EVI5: variants seen among roughly 807,000 people sequenced by gnomAD.
The protein encoded by EVI5 is ecotropic viral integration site 5.
A neutral mutation model predicts 112.0 loss-of-function variants in EVI5; 73 were observed. The ratio of observed to expected loss-of-function variants is 0.65; its 90% confidence interval spans 0.54 to 0.79. The LOEUF (loss-of-function observed/expected upper bound fraction) is 0.79, where lower values mean the gene tolerates loss of function less well. Ranked by LOEUF, EVI5 falls within the 30% of genes least tolerant of loss-of-function variation. The pLI, the probability that EVI5 is intolerant of heterozygous loss-of-function variation, is 0.00. For synonymous variants in EVI5, 305 were observed against 319.9 expected (o/e 0.95, Z 0.50); for missense variants, 900 against 968.8 (o/e 0.93, Z 0.94).
At chr1:92,548,466 A>G (rs1248957866) in intron 19 of EVI5, among the ~76,000 whole-genome samples, 2 of 152,198 alleles carry the variant, frequency 1.3e-5, no homozygotes, top group East Asian at 1.9e-4. Context: ...CACCACTCCT[A>G]TTCAACATAG....
chr1:92,565,149 T>G (rs997264584), intron 18 of EVI5, among the ~76,000 whole-genome samples: 2 of 152,220 alleles, frequency 1.3e-5, no homozygotes, highest in African/African-American at 4.8e-5. Context: ...GGGCTTACTT[T>G]TAACAGTTGC....
intron 18 of EVI5, among the ~76,000 whole-genome samples, chr1:92,601,361 T>C (rs1450962787): frequency 1.3e-5 from 2 of 152,218 alleles, no homozygotes; most frequent in African/African-American, 4.8e-5. Flanking sequence ...CTACTGGGTA[T>C]ATATCCAAAG....
intron 10 of EVI5, among the ~76,000 whole-genome samples, chr1:92,673,527 T>C (rs1365923807): frequency 1.3e-5 from 2 of 152,166 alleles, no homozygotes. Context: ...AGATGGGGTC[T>C]TGCTATGTTG....
chr1:92,770,309 T>C (rs1027059011), intron 1 of EVI5, among the ~76,000 whole-genome samples: 1 of 152,232 alleles, frequency 6.6e-6, no homozygotes, highest in African/African-American at 2.4e-5. Context: ...TTCCATCATA[T>C]AAATATAAAT....
chr1:92,517,840 T>C (rs2101674823), intron 19 of EVI5, among the ~76,000 whole-genome samples: 1 of 152,042 alleles, frequency 6.6e-6, no homozygotes, highest in East Asian at 1.9e-4. Context: ...ATCAGGAATC[T>C]GATAAAAACT....
chr1:92,557,583 G>A (rs1228750859), intron 19 of EVI5, among the ~76,000 whole-genome samples: 2 of 152,064 alleles, frequency 1.3e-5, no homozygotes, highest in Non-Finnish European at 2.9e-5. Context: ...ACAGGCATGA[G>A]CCACCATGAA....
intron 16 of EVI5, among the ~76,000 whole-genome samples, chr1:92,608,084 G>C (rs1650862371): frequency 1.3e-5 from 2 of 151,628 alleles, no homozygotes; most frequent in Non-Finnish European, 2.9e-5. Flanking sequence ...CCAGGAGGTG[G>C]AGCCTGCAGT....
At chr1:92,778,181 A>T (rs948738360) in intron 1 of EVI5, among the ~76,000 whole-genome samples, 4 of 152,202 alleles carry the variant, frequency 2.6e-5, no homozygotes, top group Non-Finnish European at 5.9e-5. Flanking sequence ...GGCTGGGATT[A>T]CAGGGGTGAG....
At chr1:92,722,602 T>C (rs991038933) in intron 2 of EVI5, among the ~76,000 whole-genome samples, 3 of 151,930 alleles carry the variant, frequency 2.0e-5, no homozygotes, top group African/African-American at 7.3e-5. Context: ...ACATATCTCC[T>C]TTTGCTCTAT....
At chr1:92,738,702 TAGTTAG>T (rs1677850389) in intron 1 of EVI5, among the ~76,000 whole-genome samples, 1 of 152,162 alleles carries the variant, frequency 6.6e-6, no homozygotes, top group Admixed American at 6.5e-5. Flanking sequence ...TTCTTAAATA[TAGTTAG>T]AGTATTTAAT....
intron 1 of EVI5, among the ~76,000 whole-genome samples, chr1:92,775,823 T>C (rs1468487408): frequency 6.6e-6 from 1 of 151,914 alleles, no homozygotes; most frequent in Non-Finnish European, 1.5e-5. Context: ...AAAAATTAAT[T>C]TGAGGCCGGG....
intron 1 of EVI5, among the ~76,000 whole-genome samples, chr1:92,766,000 G>T (rs1340242165): frequency 6.6e-6 from 1 of 151,398 alleles, no homozygotes; most frequent in Non-Finnish European, 1.5e-5. Flanking sequence ...TCAGATGTCT[G>T]ACACTTGGGA....
intron 19 of EVI5, among the ~76,000 whole-genome samples, chr1:92,521,216 C>G (rs1660876844): frequency 6.6e-6 from 1 of 152,078 alleles, no homozygotes; most frequent in South Asian, 2.1e-4. Context: ...CCCACCTTTG[C>G]CTCTCAAAGT....
intron 19 of EVI5, among the ~76,000 whole-genome samples, chr1:92,520,241 C>A (rs147524877): frequency 2.6e-5 from 4 of 151,996 alleles, no homozygotes; most frequent in Admixed American, 1.3e-4. Flanking sequence ...TATTTTCCAA[C>A]CCCCCTCATA....
rs144346654 is a variant in EVI5 at position 92,560,101 on chromosome 1, A to G, written c.2166+3541T>C. ...GCTTATAGACAGTATAAACTGGCAT[A>G]AATCACTTAAAGCAATGTTCTTAAC... On this transcript the variant is annotated intron_variant, in intron 19 of 19. Transcript: ENST00000684568. Among the ~76,000 whole-genome samples, 668 of 152,362 alleles carry G rather than the reference A, an allele frequency of 4.4e-3. 13 individuals are homozygous for G. Among genetic ancestry groups the G allele is most frequent in the Admixed American group, 0.035 (540 of 15,302 alleles).
intron 10 of EVI5, among the ~76,000 whole-genome samples, chr1:92,670,494 T>TTC (rs775361192): frequency 6.6e-6 from 1 of 152,204 alleles, no homozygotes; most frequent in Non-Finnish European, 1.5e-5. Flanking sequence ...CCCCTTGCCC[T>TTC]TCTCTCCCTT....
intron 16 of EVI5, among the ~76,000 whole-genome samples, chr1:92,610,029 G>C (rs1651403486): frequency 6.6e-6 from 1 of 152,112 alleles, no homozygotes; most frequent in African/African-American, 2.4e-5. Flanking sequence ...GGGACCACAG[G>C]CATGTGCCAC....
chr1:92,591,626 T>C (rs1214307214), intron 18 of EVI5, among the ~76,000 whole-genome samples: 1 of 151,820 alleles, frequency 6.6e-6, no homozygotes, highest in Non-Finnish European at 1.5e-5. Flanking sequence ...TCCTCAGAGA[T>C]CTACAAAAAG....
chr1:92,702,806 CA>C lies in EVI5; in HGVS notation c.564+588del, dbSNP rs374337779. 1.7e-3 allele frequency among the ~76,000 whole-genome samples: 135 copies of C among 81,298 alleles called. 1 individual carries two copies. The highest frequency in any genetic ancestry group is 4.0e-3 in the African/African-American group (109 of 27,480). 53.3% of individuals were successfully genotyped at this position (81,298 alleles called of 152,430 possible). A position where few individuals can be genotyped will look rare whatever the true frequency, so the allele number is the denominator to read the frequency against. On this transcript the variant is annotated intron_variant, in intron 4 of 19. Transcript: ENST00000684568. Reference sequence around the variant, plus strand: ...GGGCAAAAAGAGTGCAACTCCATCTCAAAAAAAAAAAAAAAAATTCAAGTAA... The same window carrying C: ...GGGCAAAAAGAGTGCAACTCCATCTCAAAAAAAAAAAAAAAATTCAAGTAA...
Sources: gnomAD v4.1 joint callset for allele counts (sites outside exome capture counted in the v4.1 genomes callset) on GRCh38, gnomAD v4.1.1 for gene constraint, MANE v1.5 for transcripts, NCBI Gene and HGNC (gene_info 2026-07-23, HGNC 2026-07-21) for gene names.